The following SGCZ variants were observed in gnomAD, a reference collection of about 807,000 sequenced individuals.
The protein encoded by SGCZ is sarcoglycan zeta.
In SGCZ, 40 loss-of-function variants were observed where a neutral mutation model predicts 41.3. The ratio of observed to expected loss-of-function variants is 0.97; its 90% CI spans 0.75 to 1.26. SGCZ has a LOEUF of 1.26. Ranked by LOEUF, SGCZ falls within the 50% of genes most tolerant of loss-of-function variation. The pLI, the probability that SGCZ is intolerant of heterozygous loss-of-function variation, is 0.00. For synonymous variants in SGCZ, 206 were observed against 137.5 expected (o/e 1.50, Z -3.49); for missense variants, 552 against 369.8 (o/e 1.49, Z -4.04).
At chr8:14,608,351 T>C (rs1214794437) in intron 1 of SGCZ, among the ~76,000 whole-genome samples, 1 of 151,998 alleles carries the variant, frequency 6.6e-6, no homozygotes, top group African/African-American at 2.4e-5. Context: ...GAGGTTTCTT[T>C]GGCTCACCGT....
At chr8:15,164,982 G>T (rs996825805) in intron 1 of SGCZ, among the ~76,000 whole-genome samples, 1 of 152,090 alleles carries the variant, frequency 6.6e-6, no homozygotes, top group African/African-American at 2.4e-5. Flanking sequence ...TGTGTACTGT[G>T]TGATGTGTGT....
At chr8:14,702,831 A>AGACAGAT (rs1554483806) in intron 1 of SGCZ, among the ~76,000 whole-genome samples, 1,183 of 81,150 alleles carry the variant, frequency 0.015, 26 homozygotes, top group Non-Finnish European at 0.021. Flanking sequence ...ATAGATAGAT[A>AGACAGAT]GATAGATAGA....
intron 2 of SGCZ, among the ~76,000 whole-genome samples, chr8:14,453,559 C>A (rs1223401582): frequency 6.6e-6 from 1 of 152,130 alleles, no homozygotes; most frequent in Admixed American, 6.6e-5. Flanking sequence ...AATTGTCAGT[C>A]TTCTTATCGG....
At chr8:14,613,498 T>C (rs1289480187) in intron 1 of SGCZ, among the ~76,000 whole-genome samples, 4 of 152,148 alleles carry the variant, frequency 2.6e-5, no homozygotes, top group Non-Finnish European at 4.4e-5. Context: ...TATAACAACA[T>C]CTAGGTGATA....
rs150651122 is a variant in SGCZ, at chr8:14,502,734, T to G, written c.234+51998A>C. Among the ~76,000 whole-genome samples, 118 of 152,186 alleles carry G rather than the reference T, an allele frequency of 7.8e-4. 1 individual carries two copies. Among genetic ancestry groups the G allele is most frequent in the African/African-American group, 2.8e-3 (116 of 41,524 alleles). On this transcript the variant is annotated intron_variant, in intron 2 of 7. Coordinates refer to ENST00000382080, the MANE Select transcript of SGCZ (RefSeq NM_139167.4). ...TCACTGGTCATTGGAGAAATGCAAG[T>G]CAAAACCAAAATGAGATACCATGTC...
intron 1 of SGCZ, among the ~76,000 whole-genome samples, chr8:14,774,848 C>T (rs1160129418): frequency 1.3e-5 from 2 of 152,092 alleles, no homozygotes; most frequent in Non-Finnish European, 2.9e-5. Context: ...CTAATTACTT[C>T]GTTAACTAAT....
chr8:14,940,691 G>A (rs923575649), intron 1 of SGCZ, among the ~76,000 whole-genome samples: 2 of 17,078 alleles, frequency 1.2e-4, no homozygotes, highest in African/African-American at 3.0e-4. Context: ...GCACCAAAAA[G>A]GTAAAGGAAA....
intron 1 of SGCZ, among the ~76,000 whole-genome samples, chr8:15,118,572 C>T (rs1172209355): frequency 3.3e-5 from 5 of 152,186 alleles, no homozygotes; most frequent in Middle Eastern, 3.4e-3. Flanking sequence ...GGAAGAAAAA[C>T]GTCAAATATA....
chr8:14,298,719 A>C (rs74838262), intron 3 of SGCZ, among the ~76,000 whole-genome samples: 1 of 152,066 alleles, frequency 6.6e-6, no homozygotes, highest in East Asian at 1.9e-4. Context: ...TAATATGTCA[A>C]TGTATTGGAT....
chr8:15,034,266 T>G (rs1015055008), intron 1 of SGCZ, among the ~76,000 whole-genome samples: 2 of 152,040 alleles, frequency 1.3e-5, no homozygotes, highest in African/African-American at 4.8e-5. Context: ...AGCAGAGATA[T>G]AAATTTTAAA....
Position 14,462,639 on chromosome 8 carries a change from A to C in SGCZ, c.234+92093T>G, listed in dbSNP as rs80213888. Among the ~76,000 whole-genome samples the C allele has an allele frequency of 9.4e-3, 1,425 of 152,128 alleles. 33 individuals are homozygous for C. Among genetic ancestry groups the C allele is most frequent in the African/African-American group, 0.033 (1,351 of 41,558 alleles). On this transcript the variant is annotated intron_variant, in intron 2 of 7. Transcript: ENST00000382080. The stretch of plus-strand genomic sequence containing the variant: ...ACTGTAGCTTTAAAGTAAGTTTTGA[A>C]ACCGGGAAGTATGAACGCTTCCACT...
chr8:14,149,465 G>C (rs117902066), intron 5 of SGCZ, among the ~76,000 whole-genome samples: 2 of 151,888 alleles, frequency 1.3e-5, no homozygotes, highest in Non-Finnish European at 2.9e-5. Flanking sequence ...TTAACCAATG[G>C]AGTGAAAAAT....
At chr8:14,905,030 T>A (rs1245872665) in intron 1 of SGCZ, among the ~76,000 whole-genome samples, 2 of 151,982 alleles carry the variant, frequency 1.3e-5, no homozygotes, top group African/African-American at 4.8e-5. Flanking sequence ...AAAGACAATA[T>A]TATTGGGGCC....
chr8:14,888,456 T>G (rs1389963891), intron 1 of SGCZ, among the ~76,000 whole-genome samples: 1 of 152,082 alleles, frequency 6.6e-6, no homozygotes, highest in Non-Finnish European at 1.5e-5. Context: ...CAATGTAGAA[T>G]GCAGGAAAAG....
chr8:15,220,773 T>A (rs1322152882), intron 1 of SGCZ, among the ~76,000 whole-genome samples: 2 of 152,096 alleles, frequency 1.3e-5, no homozygotes, highest in African/African-American at 4.8e-5. Flanking sequence ...CAAATGTCCA[T>A]CAGTGATAAA....
chr8:14,783,990 T>C (rs991749434), intron 1 of SGCZ, among the ~76,000 whole-genome samples: 4 of 152,114 alleles, frequency 2.6e-5, no homozygotes, highest in Non-Finnish European at 4.4e-5. Flanking sequence ...TGAGAGTTCT[T>C]AAAATAATTG....
chr8:14,812,924 C>A (rs77072376), intron 1 of SGCZ, among the ~76,000 whole-genome samples: 2,097 of 152,200 alleles, frequency 0.014, 34 homozygotes, highest in Admixed American at 0.038. Flanking sequence ...CCCTAATGTT[C>A]CTGAATAATA....
intron 1 of SGCZ, among the ~76,000 whole-genome samples, chr8:15,184,916 G>A (rs1800290750): frequency 6.6e-6 from 1 of 152,128 alleles, no homozygotes; most frequent in African/African-American, 2.4e-5. Context: ...AGATACACAT[G>A]CTGTCTGTCT....
intron 5 of SGCZ, among the ~76,000 whole-genome samples, chr8:14,133,223 C>T (rs111593571): frequency 1.9e-3 from 291 of 152,278 alleles, no homozygotes; most frequent in African/African-American, 6.5e-3. Context: ...TCGCCCACCC[C>T]GTACACATGT....
Sources: allele counts gnomAD v4.1 joint callset (sites outside exome capture counted in the v4.1 genomes callset), GRCh38; gene constraint gnomAD v4.1.1; transcripts MANE v1.5; gene names NCBI Gene and HGNC (gene_info 2026-07-23, HGNC 2026-07-21).